CTNNA2: variants seen among roughly 807,000 people sequenced by gnomAD.
The protein encoded by CTNNA2 is catenin alpha 2.
A neutral mutation model predicts 101.0 loss-of-function variants in CTNNA2; 42 were observed. The observed-to-expected ratio is 0.42, with a 90% CI of 0.32 to 0.54. CTNNA2 has a LOEUF of 0.54. CTNNA2 is among the 20% of genes least tolerant of loss of function. The probability of loss-of-function intolerance (pLI) is 0.14; values close to 1 mark genes in which losing one functional copy is unlikely to be tolerated. For synonymous variants in CTNNA2, 450 were observed against 456.4 expected (o/e 0.99, Z 0.18); for missense variants, 871 against 1,223.1 (o/e 0.71, Z 4.29).
chr2:80,647,886 A>AACAAGAAAGCTTTTTCTTTC lies in CTNNA2; in HGVS notation c.*15_*34dup, dbSNP rs1462615754. The AACAAGAAAGCTTTTTCTTTC allele has an allele frequency of 6.5e-7, 1 of 1,548,594 alleles. No homozygotes were observed. On this transcript the variant is annotated 3_prime_UTR_variant, in exon 19 of 19. Coordinates refer to ENST00000402739, the MANE Select transcript of CTNNA2 (RefSeq NM_001282597.3). Reference sequence around the variant, plus strand: ...GATTCCTTCTAGGACGATAGGTTTTAACAAGAAAGCTTTTTCTTTCTTTTC... The same window carrying AACAAGAAAGCTTTTTCTTTC: ...GATTCCTTCTAGGACGATAGGTTTTAACAAGAAAGCTTTTTCTTTCACAAGAAAGCTTTTTCTTTCTTTTC...
intron 7 of CTNNA2, among the ~76,000 whole-genome samples, chr2:80,069,111 C>G (rs1698165462): frequency 1.3e-5 from 2 of 152,114 alleles, no homozygotes; most frequent in Non-Finnish European, 2.9e-5. Context: ...AAAGCATTAG[C>G]TCCAATGTCC....
chr2:79,455,972 C>T (rs1670815999), intron 4 of CTNNA2, among the ~76,000 whole-genome samples: 2 of 151,892 alleles, frequency 1.3e-5, no homozygotes, highest in African/African-American at 4.8e-5. Flanking sequence ...TTGAGAGTAT[C>T]CAGGTAAGAA....
At chr2:80,004,178 T>G (rs1364411089) in intron 7 of CTNNA2, among the ~76,000 whole-genome samples, 1 of 152,168 alleles carries the variant, frequency 6.6e-6, no homozygotes, top group Non-Finnish European at 1.5e-5. Flanking sequence ...AGAGAAACAA[T>G]GTACAGTCTC....
chr2:79,218,073 A>G (rs1355450060), intron 2 of CTNNA2, among the ~76,000 whole-genome samples: 1 of 152,216 alleles, frequency 6.6e-6, no homozygotes, highest in Admixed American at 6.5e-5. Context: ...AAAGCCTCCC[A>G]TGCTTCCTCC....
intron 12 of CTNNA2, among the ~76,000 whole-genome samples, chr2:80,561,827 A>ATTTTTTTTTTTTTTTTTTTTTT (rs368503035): frequency 8.1e-6 from 1 of 123,578 alleles, no homozygotes; most frequent in African/African-American, 3.0e-5. Flanking sequence ...CGCCTGGCTA[A>ATTTTTTTTTTTTTTTTTTTTTT]TTTTTTTTTT....
At chr2:79,768,948 G>T (rs952518252) in intron 3 of CTNNA2, among the ~76,000 whole-genome samples, 2 of 152,078 alleles carry the variant, frequency 1.3e-5, no homozygotes, top group African/African-American at 4.8e-5. Flanking sequence ...TCCACCTCCC[G>T]GGTTCACGCC....
At chr2:80,006,082 A>T (rs1183250412) in intron 7 of CTNNA2, among the ~76,000 whole-genome samples, 2 of 152,238 alleles carry the variant, frequency 1.3e-5, no homozygotes, top group African/African-American at 4.8e-5. Context: ...TTTGTGAATA[A>T]AGTAGGTTTA....
intron 15 of CTNNA2, among the ~76,000 whole-genome samples, chr2:80,594,781 T>G (rs1696805844): frequency 6.6e-6 from 1 of 152,010 alleles, no homozygotes; most frequent in Non-Finnish European, 1.5e-5. Flanking sequence ...ACCCAAATCT[T>G]AGCAAAAATC....
At chr2:79,449,928 T>C (rs936577589) in intron 4 of CTNNA2, among the ~76,000 whole-genome samples, 1 of 152,060 alleles carries the variant, frequency 6.6e-6, no homozygotes, top group Non-Finnish European at 1.5e-5. Flanking sequence ...TAGAACATTA[T>C]GTGTGCCGTT....
At chr2:79,451,606 G>C (rs2104527431) in intron 4 of CTNNA2, among the ~76,000 whole-genome samples, 1 of 152,038 alleles carries the variant, frequency 6.6e-6, no homozygotes, top group South Asian at 2.1e-4. Context: ...GAAATCTAGA[G>C]CATTACTGGG....
At chr2:79,376,571 G>T (rs1338285162) in intron 4 of CTNNA2, among the ~76,000 whole-genome samples, 1 of 151,798 alleles carries the variant, frequency 6.6e-6, no homozygotes, top group African/African-American at 2.4e-5. Flanking sequence ...TGCCATGTTG[G>T]TGTGCTGCAC....
At chr2:79,630,419 C>T (rs1037011558) in intron 1 of CTNNA2, among the ~76,000 whole-genome samples, 4 of 152,116 alleles carry the variant, frequency 2.6e-5, no homozygotes, top group African/African-American at 9.7e-5. Context: ...TATTAATAGT[C>T]TATGATGTAG....
At chr2:79,248,564 G>A (rs1309504318) in intron 2 of CTNNA2, among the ~76,000 whole-genome samples, 7 of 152,126 alleles carry the variant, frequency 4.6e-5, no homozygotes, top group Non-Finnish European at 7.3e-5. Context: ...TGCAGGCCTA[G>A]AAGAGGTTTG....
At chr2:79,336,277 C>T (rs537846588) in intron 3 of CTNNA2, among the ~76,000 whole-genome samples, 14 of 152,260 alleles carry the variant, frequency 9.2e-5, no homozygotes, top group East Asian at 3.9e-4. Flanking sequence ...GCTGCCATGG[C>T]GGGACAATAG....
At chr2:80,321,661 T>C (rs1464192650) in intron 7 of CTNNA2, among the ~76,000 whole-genome samples, 1 of 152,220 alleles carries the variant, frequency 6.6e-6, no homozygotes, top group Non-Finnish European at 1.5e-5. Context: ...TTTTCTGATA[T>C]ATCAAAAAAG....
chr2:79,203,166 G>A (rs542748882), intron 2 of CTNNA2, among the ~76,000 whole-genome samples: 3 of 152,128 alleles, frequency 2.0e-5, no homozygotes, highest in Non-Finnish European at 4.4e-5. Context: ...ACAGCTCTGG[G>A]GTTGCATGTT....
intron 18 of CTNNA2, among the ~76,000 whole-genome samples, chr2:80,625,985 A>T (rs1671645144): frequency 1.3e-5 from 2 of 152,090 alleles, no homozygotes; most frequent in African/African-American, 4.8e-5. Context: ...ATTTTTTCCC[A>T]AAAAGCTGAA....
intron 7 of CTNNA2, among the ~76,000 whole-genome samples, chr2:80,203,395 G>A (rs1707334443): frequency 6.6e-6 from 1 of 152,128 alleles, no homozygotes; most frequent in Non-Finnish European, 1.5e-5. Context: ...ATACCAAGAG[G>A]GTACAGACAT....
chr2:79,329,054 T>C (rs1209304625), intron 3 of CTNNA2, among the ~76,000 whole-genome samples: 1 of 152,192 alleles, frequency 6.6e-6, no homozygotes, highest in Non-Finnish European at 1.5e-5. Flanking sequence ...GTTTACAGCC[T>C]ACCTTAATCC....
Sources: gnomAD v4.1 joint callset for allele counts (sites outside exome capture counted in the v4.1 genomes callset) on GRCh38, gnomAD v4.1.1 for gene constraint, MANE v1.5 for transcripts, NCBI Gene and HGNC (gene_info 2026-07-23, HGNC 2026-07-21) for gene names.